The following RALGPS2 variants were observed in gnomAD, a reference collection of about 807,000 sequenced individuals.
RALGPS2 encodes Ral GEF with PH domain and SH3 binding motif 2, also known as ras-specific guanine nucleotide-releasing factor RalGPS2.
RALGPS2 carries 43 observed loss-of-function variants against 86.8 expected under a neutral mutation model. The ratio of observed to expected loss-of-function variants is 0.50; its 90% confidence interval spans 0.39 to 0.64. RALGPS2 has a LOEUF of 0.64. Among genes scored for constraint, RALGPS2 ranks in the 30% least tolerant of loss-of-function variants. The pLI is 0.00. For synonymous variants in RALGPS2, 243 were observed against 231.3 expected (o/e 1.05, Z -0.46); for missense variants, 536 against 694.6 (o/e 0.77, Z 2.57).
In RALGPS2 at chr1:178,729,919, CTGTT is replaced by C. The variant is rs753870118; in HGVS notation, c.-84+4506_-84+4509del. On this transcript the variant is annotated intron_variant, in intron 1 of 19. Coordinates refer to ENST00000367635, the MANE Select transcript of RALGPS2 (RefSeq NM_152663.5). ...CATATTTAAAAATTATATACTTTTA[CTGTT>C]TGTTTTTCAGTTTTATTATTTATTT... is the stretch of plus-strand genomic sequence containing the variant. Among the ~76,000 whole-genome samples, 132 of 152,154 alleles carry C rather than the reference CTGTT, an allele frequency of 8.7e-4. 2 individuals are homozygous for C. Among genetic ancestry groups the C allele is most frequent in the South Asian group, 2.3e-3 (11 of 4,830 alleles).
At chr1:178,813,267 CT>C (rs1412698561) in intron 6 of RALGPS2, among the ~76,000 whole-genome samples, 2 of 152,126 alleles carry the variant, frequency 1.3e-5, no homozygotes, top group East Asian at 3.8e-4. Context: ...ATTAATGATT[CT>C]TCATGGATTC....
intron 1 of RALGPS2, among the ~76,000 whole-genome samples, chr1:178,763,720 C>G (rs904824681): frequency 3.3e-5 from 5 of 152,090 alleles, no homozygotes; most frequent in African/African-American, 1.2e-4. Flanking sequence ...CAAAGAATTT[C>G]TTGATTTCTG....
intron 4 of RALGPS2, among the ~76,000 whole-genome samples, chr1:178,807,481 A>G (rs1259053924): frequency 1.3e-5 from 2 of 152,204 alleles, no homozygotes; most frequent in Non-Finnish European, 2.9e-5. Flanking sequence ...TGCCACTGTA[A>G]TCTGTAGCCT....
intron 1 of RALGPS2, among the ~76,000 whole-genome samples, chr1:178,772,527 T>C (rs563003428): frequency 9.2e-4 from 140 of 152,344 alleles, no homozygotes; most frequent in Non-Finnish European, 1.3e-3. Flanking sequence ...AGATAAAGCA[T>C]AACCTTTAAA....
chr1:178,785,509 G>T, intron 3 of RALGPS2, 48 bp from the exon 4 acceptor site: 1 of 1,527,786 alleles, frequency 6.5e-7, no homozygotes, highest in South Asian at 1.3e-5. Flanking sequence ...TACATGTTAT[G>T]GTATAGAATT....
At chr1:178,870,194 G>T (rs565600918) in intron 8 of RALGPS2, among the ~76,000 whole-genome samples, 2 of 152,096 alleles carry the variant, frequency 1.3e-5, no homozygotes, top group African/African-American at 4.8e-5. Context: ...ATCTGTACAA[G>T]AATTTCTGCT....
intron 19 of RALGPS2, among the ~76,000 whole-genome samples, chr1:178,914,682 A>T (rs911727460): frequency 6.6e-6 from 1 of 151,702 alleles, no homozygotes; most frequent in Non-Finnish European, 1.5e-5. Context: ...GCATTTTTTT[A>T]AAATATTGTT....
chr1:178,830,619 G>GT (rs2102243293), intron 7 of RALGPS2, among the ~76,000 whole-genome samples: 1 of 152,226 alleles, frequency 6.6e-6, no homozygotes, highest in East Asian at 1.9e-4. Context: ...AAAAACTTCA[G>GT]TTTTTTAGAA....
At chr1:178,783,701 T>C (rs536020625) in intron 2 of RALGPS2, among the ~76,000 whole-genome samples, 2 of 152,290 alleles carry the variant, frequency 1.3e-5, no homozygotes, top group East Asian at 3.9e-4. Context: ...TAGAGCCTGA[T>C]CTAAATATTC....
At chr1:178,824,402 A>G (rs929036500) in intron 7 of RALGPS2, among the ~76,000 whole-genome samples, 1 of 152,204 alleles carries the variant, frequency 6.6e-6, no homozygotes, top group Non-Finnish European at 1.5e-5. Context: ...GTTGGTGGCA[A>G]TAATCTAGTA....
intron 10 of RALGPS2, among the ~76,000 whole-genome samples, chr1:178,881,477 TCTCA>T (rs1421566514): frequency 2.0e-5 from 3 of 152,180 alleles, no homozygotes; most frequent in Non-Finnish European, 4.4e-5. Context: ...GGAGACGGAA[TCTCA>T]CTCTGTTTCC....
chr1:178,793,142 A>G (rs560792314), intron 4 of RALGPS2, among the ~76,000 whole-genome samples: 4 of 152,342 alleles, frequency 2.6e-5, no homozygotes, highest in Non-Finnish European at 2.9e-5. Flanking sequence ...CGGCCAAACC[A>G]TAAGAGCAAG....
intron 8 of RALGPS2, among the ~76,000 whole-genome samples, chr1:178,869,574 A>C (rs898692029): frequency 6.6e-6 from 1 of 152,134 alleles, no homozygotes. Flanking sequence ...GAGAGATGAC[A>C]GTATTTCAGA....
In RALGPS2 at chr1:178,813,535, G is replaced by A. The variant is rs535965855; in HGVS notation, c.387+2131G>A. 2.0e-5 allele frequency among the ~76,000 whole-genome samples: 3 copies of A among 152,220 alleles called. No homozygotes were observed. In the South Asian group the frequency reaches 6.2e-4, roughly 32 times the overall value. On this transcript the variant is annotated intron_variant, in intron 6 of 19. Transcript: ENST00000367635. The stretch of plus-strand genomic sequence containing the variant: ...ATACTGTTTGTTATAAAACTGGCAG[G>A]TCTCTTACTTGAGTATTGTTATCAG...
At chr1:178,729,539 A>T (rs1322793948) in intron 1 of RALGPS2, among the ~76,000 whole-genome samples, 1 of 152,224 alleles carries the variant, frequency 6.6e-6, no homozygotes, top group Admixed American at 6.5e-5. Context: ...TTAAAAAGAA[A>T]ATTGTACTAC....
At chr1:178,782,949 A>G (rs904917459) in intron 2 of RALGPS2, among the ~76,000 whole-genome samples, 2 of 152,190 alleles carry the variant, frequency 1.3e-5, no homozygotes, top group Middle Eastern at 3.2e-3. Flanking sequence ...AGCTTTCAAC[A>G]AAAAATTACA....
intron 8 of RALGPS2, among the ~76,000 whole-genome samples, chr1:178,862,679 G>A (rs1658119220): frequency 6.6e-6 from 1 of 151,866 alleles, no homozygotes; most frequent in Admixed American, 6.6e-5. Context: ...CTTTGAGTAG[G>A]CAGAAAGCAT....
chr1:178,891,244 C>G (rs1429337120), intron 14 of RALGPS2, among the ~76,000 whole-genome samples: 1 of 152,026 alleles, frequency 6.6e-6, no homozygotes, highest in Non-Finnish European at 1.5e-5. Context: ...AAATAGTGGG[C>G]TCTTAGAACA....
chr1:178,821,593 T>A lies in RALGPS2; in HGVS notation c.388-19T>A. 1 of 1,570,478 alleles carries A rather than the reference T, an allele frequency of 6.4e-7. No individual in the cohort carries two copies. Among genetic ancestry groups the A allele is most frequent in the Non-Finnish European group, 8.7e-7 (1 of 1,149,352 alleles). On this transcript the variant is annotated intron_variant, in intron 6 of 19. Coordinates refer to ENST00000367635, the MANE Select transcript of RALGPS2 (RefSeq NM_152663.5). ...TGTTCTTTTTCATCCCTCTCCCCCA[T>A]TTTTTTTCAAATCTTCAGAAACTGT...
Sources: gnomAD v4.1 joint callset for allele counts (sites outside exome capture counted in the v4.1 genomes callset) on GRCh38, gnomAD v4.1.1 for gene constraint, MANE v1.5 for transcripts, NCBI Gene and HGNC (gene_info 2026-07-23, HGNC 2026-07-21) for gene names.